The following NPAS3 variants were observed in gnomAD, a reference collection of about 807,000 sequenced individuals.
NPAS3 encodes the protein neuronal PAS domain protein 3.
NPAS3 carries 14 observed loss-of-function variants against 73.1 expected under a neutral mutation model. The ratio of observed to expected loss-of-function variants is 0.19; its 90% CI spans 0.13 to 0.30. NPAS3 has a LOEUF of 0.30. Among genes scored for constraint, NPAS3 ranks in the 10% least tolerant of loss-of-function variants. The probability of loss-of-function intolerance (pLI) is 1.00; values close to 1 mark genes in which losing one functional copy is unlikely to be tolerated. For missense variants in NPAS3, 1,096 were observed against 1,250.0 expected, an observed-to-expected ratio of 0.88 and a Z score of 1.86; for synonymous variants, 620 against 541.5, an observed-to-expected ratio of 1.14 and a Z score of -2.01.
intron 6 of NPAS3, among the ~76,000 whole-genome samples, chr14:33,727,707 G>T (rs530417107): frequency 6.6e-6 from 1 of 152,138 alleles, no homozygotes; most frequent in Non-Finnish European, 1.5e-5. Context: ...TTTATATGAA[G>T]AATTGGCTCA....
At chr14:33,763,566 C>T (rs17101861) in intron 7 of NPAS3, among the ~76,000 whole-genome samples, 20,589 of 152,186 alleles carry the variant, frequency 0.14, 1,740 homozygotes, top group African/African-American at 0.23. Flanking sequence ...GTCAGGCTCA[C>T]TCACTTTCCC....
chr14:33,581,960 A>G (rs2056681587), intron 5 of NPAS3: 2 of 152,180 alleles, frequency 1.3e-5, no homozygotes, highest in Non-Finnish European at 1.5e-5. Flanking sequence ...CATTTATTTA[A>G]CCAGGCTTAG....
intron 4 of NPAS3, among the ~76,000 whole-genome samples, chr14:33,488,309 T>C (rs1336347650): frequency 6.6e-6 from 1 of 151,808 alleles, no homozygotes; most frequent in Non-Finnish European, 1.5e-5. Context: ...ACGAGATAAT[T>C]TGGAGAAAGA....
At chr14:33,430,343 G>C (rs916434417) in intron 4 of NPAS3, among the ~76,000 whole-genome samples, 1 of 152,034 alleles carries the variant, frequency 6.6e-6, no homozygotes, top group South Asian at 2.1e-4. Flanking sequence ...TAGGAGTAGA[G>C]AATAAACTGG....
intron 4 of NPAS3, among the ~76,000 whole-genome samples, chr14:33,408,013 T>C (rs1228438045): frequency 1.3e-5 from 2 of 152,164 alleles, no homozygotes; most frequent in African/African-American, 2.4e-5. Context: ...TTTTCGAACA[T>C]TGATTTTTGA....
chr14:33,747,756 A>G (rs1157912880), intron 7 of NPAS3, among the ~76,000 whole-genome samples: 1 of 152,224 alleles, frequency 6.6e-6, no homozygotes, highest in Non-Finnish European at 1.5e-5. Context: ...CCCTTGACTT[A>G]CAGCAGCATT....
chr14:33,063,167 T>C (rs2041166550), intron 2 of NPAS3, among the ~76,000 whole-genome samples: 1 of 152,186 alleles, frequency 6.6e-6, no homozygotes, highest in African/African-American at 2.4e-5. Context: ...CCTCAGAGGT[T>C]GTTTTGAGGA....
At chr14:33,638,767 A>G (rs566919683) in intron 5 of NPAS3, among the ~76,000 whole-genome samples, 1 of 152,356 alleles carries the variant, frequency 6.6e-6, no homozygotes, top group African/African-American at 2.4e-5. Context: ...TTTCAAAGCA[A>G]TTATTTACAG....
At chr14:33,284,764 ATATCTATCTATCTATC>A (rs71118536) in intron 3 of NPAS3, among the ~76,000 whole-genome samples, 6,027 of 148,770 alleles carry the variant, frequency 0.041, 267 homozygotes, top group Admixed American at 0.12. Flanking sequence ...ATCTATATCT[ATATCTATCTATCTATC>A]TATCTATCTA....
intron 4 of NPAS3, among the ~76,000 whole-genome samples, chr14:33,458,032 C>G (rs886090728): frequency 7.2e-5 from 11 of 152,202 alleles, no homozygotes; most frequent in African/African-American, 2.7e-4. Context: ...ACTGACAATA[C>G]TTTCAAGGAC....
intron 6 of NPAS3, among the ~76,000 whole-genome samples, chr14:33,727,141 T>C (rs2061289391): frequency 6.6e-6 from 1 of 152,160 alleles, no homozygotes. Flanking sequence ...AGATGGAGAT[T>C]TGGCCAGAAT....
chr14:32,992,426 A>G (rs562204479), intron 1 of NPAS3, among the ~76,000 whole-genome samples: 42 of 152,284 alleles, frequency 2.8e-4, no homozygotes, highest in African/African-American at 9.9e-4. Context: ...TATTTGGGGT[A>G]GGCACTGCCT....
intron 2 of NPAS3, among the ~76,000 whole-genome samples, chr14:33,114,875 C>G (rs997837625): frequency 2.0e-5 from 3 of 152,000 alleles, no homozygotes; most frequent in Non-Finnish European, 4.4e-5. Flanking sequence ...GGGTAGATTA[C>G]AATGCTGTAA....
In NPAS3 at chr14:33,356,692, G is replaced by A. The variant is rs2045352776; in HGVS notation, c.386-10494G>A. On this transcript the variant is annotated intron_variant, in intron 3 of 11. Coordinates refer to ENST00000356141, the Ensembl canonical transcript of NPAS3. Reference sequence around the variant, plus strand: ...CTAAAGCAAGAGTTCTTGACTTGGGGTCTATGGCTGTGTTTCAGAAGCTCT... The same window carrying A: ...CTAAAGCAAGAGTTCTTGACTTGGGATCTATGGCTGTGTTTCAGAAGCTCT... Among the ~76,000 whole-genome samples, 3 of 152,180 alleles carry A rather than the reference G, an allele frequency of 2.0e-5. No individual in the cohort carries two copies. The South Asian group carries it at 6.2e-4, about 32-fold the overall frequency.
chr14:33,342,112 C>T (rs1374511592), intron 3 of NPAS3, among the ~76,000 whole-genome samples: 1 of 152,020 alleles, frequency 6.6e-6, no homozygotes, highest in Non-Finnish European at 1.5e-5. Flanking sequence ...TCTAACATAT[C>T]GCAAATAAAT....
At chr14:33,670,319 T>C (rs182269168) in intron 5 of NPAS3, among the ~76,000 whole-genome samples, 54 of 152,348 alleles carry the variant, frequency 3.5e-4, no homozygotes, top group African/African-American at 1.3e-3. Flanking sequence ...CATTCTGATA[T>C]AGAACCTTTC....
At chr14:33,083,900 C>A (rs535351231) in intron 2 of NPAS3, among the ~76,000 whole-genome samples, 6 of 152,132 alleles carry the variant, frequency 3.9e-5, no homozygotes, top group Non-Finnish European at 5.9e-5. Flanking sequence ...CCTAGAAGAC[C>A]ACTGAAAGTT....
At chr14:33,581,859 C>A (rs904660315) in intron 5 of NPAS3, among the ~76,000 whole-genome samples, 11 of 152,206 alleles carry the variant, frequency 7.2e-5, no homozygotes, top group Non-Finnish European at 1.5e-4. Context: ...TAGGAGTGAG[C>A]CACCATGCCC....
rs191868085 is a variant in NPAS3, at chr14:32,993,578, A to G, written c.50+54212A>G. Among the ~76,000 whole-genome samples, 807 of 152,320 alleles carry G rather than the reference A, an allele frequency of 5.3e-3. 5 individuals carry two copies. Among genetic ancestry groups the G allele is most frequent in the Non-Finnish European group, 8.6e-3 (583 of 68,030 alleles). ...ACTGAATTTGATGACAGTGTCATAT[A>G]TGGCAAAAGATTCATTTATTAATAT... On this transcript the variant is annotated intron_variant, in intron 1 of 11. Transcript: ENST00000356141.
Sources: gnomAD v4.1 joint callset for allele counts (sites outside exome capture counted in the v4.1 genomes callset) on GRCh38, gnomAD v4.1.1 for gene constraint, MANE v1.5 for transcripts, NCBI Gene and HGNC (gene_info 2026-07-23, HGNC 2026-07-21) for gene names.